PTPRD: variants seen among roughly 807,000 people sequenced by gnomAD.
The protein encoded by PTPRD is protein tyrosine phosphatase receptor type D, also known as receptor-type tyrosine-protein phosphatase delta.
A neutral mutation model predicts 214.5 loss-of-function variants in PTPRD; 34 were observed. That is an observed-to-expected ratio of 0.16 (90% confidence interval 0.12 to 0.21). PTPRD has a LOEUF of 0.21. Ranked by LOEUF, PTPRD falls within the 10% of genes least tolerant of loss-of-function variation. PTPRD has a pLI of 1.00. For missense variants in PTPRD, 2,545 were observed against 2,398.7 expected (o/e 1.06, Z -1.27); for synonymous variants, 1,128 against 845.7 (o/e 1.33, Z -5.79).
At chr9:10,040,446 T>C (rs2097275314) in intron 3 of PTPRD, among the ~76,000 whole-genome samples, 1 of 152,014 alleles carries the variant, frequency 6.6e-6, no homozygotes, top group African/African-American at 2.4e-5. Flanking sequence ...GCAGCCAAAT[T>C]ACTATAACCT....
At chr9:9,698,233 G>A (rs1174359269) in intron 7 of PTPRD, among the ~76,000 whole-genome samples, 2 of 152,090 alleles carry the variant, frequency 1.3e-5, no homozygotes, top group Admixed American at 1.3e-4. Flanking sequence ...CCCATCAAAG[G>A]ACTAGTCTTT....
chr9:8,726,040 C>CACAA lies in PTPRD; in HGVS notation c.64+7739_64+7740insTTGT, dbSNP rs771915871. Among the ~76,000 whole-genome samples, 859 of 147,674 alleles carry CACAA rather than the reference C, an allele frequency of 5.8e-3. 1 individual carries two copies. The highest frequency in any genetic ancestry group is 9.8e-3 in the Non-Finnish European group (653 of 66,956). ...ACAGACAGACAGACACACACACACA[C>CACAA]ACACACACACACACACACACACACA... On this transcript the variant is annotated intron_variant, in intron 12 of 45. Coordinates refer to ENST00000381196, the MANE Select transcript of PTPRD (RefSeq NM_002839.4).
chr9:9,663,179 G>C (rs970775008), intron 7 of PTPRD, among the ~76,000 whole-genome samples: 2 of 151,278 alleles, frequency 1.3e-5, no homozygotes, highest in Admixed American at 6.6e-5. Context: ...TTAAATGTCA[G>C]AATAGGTTTA....
At chr9:9,005,180 G>A (rs1036309037) in intron 11 of PTPRD, among the ~76,000 whole-genome samples, 3 of 152,018 alleles carry the variant, frequency 2.0e-5, no homozygotes, top group African/African-American at 7.2e-5. Context: ...TTAATAATAA[G>A]CCAGGCAACA....
chr9:9,550,267 C>G (rs1397171986), intron 8 of PTPRD, among the ~76,000 whole-genome samples: 2 of 151,724 alleles, frequency 1.3e-5, no homozygotes, highest in Admixed American at 6.6e-5. Context: ...ATCCTGCCAG[C>G]TTTCCCTACA....
chr9:10,004,640 G>A (rs1036869806), intron 4 of PTPRD, among the ~76,000 whole-genome samples: 6 of 150,622 alleles, frequency 4.0e-5, no homozygotes, highest in African/African-American at 7.3e-5. Flanking sequence ...CACACACACC[G>A]CACACACACA....
At chr9:9,764,163 A>G (rs1314868689) in intron 6 of PTPRD, among the ~76,000 whole-genome samples, 1 of 152,210 alleles carries the variant, frequency 6.6e-6, no homozygotes, top group Non-Finnish European at 1.5e-5. Context: ...ACCTAATGCC[A>G]TATGACACAT....
At chr9:8,381,910 G>C (rs891132922) in intron 37 of PTPRD, among the ~76,000 whole-genome samples, 2 of 152,170 alleles carry the variant, frequency 1.3e-5, no homozygotes, top group African/African-American at 4.8e-5. Context: ...AGAACTGTGT[G>C]AGGTGCCTCT....
At chr9:8,744,448 C>A (rs533705584) in intron 11 of PTPRD, among the ~76,000 whole-genome samples, 9 of 152,096 alleles carry the variant, frequency 5.9e-5, no homozygotes, top group South Asian at 2.1e-4. Context: ...ATACTTATAC[C>A]ACGGAATATG....
chr9:9,392,957 G>A (rs942051304), intron 9 of PTPRD, among the ~76,000 whole-genome samples: 1 of 152,186 alleles, frequency 6.6e-6, no homozygotes, highest in Non-Finnish European at 1.5e-5. Context: ...ATGGGGTGGA[G>A]CCATGGAAAT....
At chr9:9,269,170 A>G (rs1474549619) in intron 9 of PTPRD, among the ~76,000 whole-genome samples, 4 of 151,454 alleles carry the variant, frequency 2.6e-5, no homozygotes, top group African/African-American at 9.7e-5. Context: ...ACAACAATAA[A>G]GCTAAATAAC....
intron 10 of PTPRD, among the ~76,000 whole-genome samples, chr9:9,114,248 T>C (rs1424587876): frequency 6.6e-6 from 1 of 152,162 alleles, no homozygotes; most frequent in Non-Finnish European, 1.5e-5. Context: ...GGATGGGTAT[T>C]GATGGCCATA....
chr9:8,414,408 T>G (rs2093745970), intron 35 of PTPRD, among the ~76,000 whole-genome samples: 1 of 152,228 alleles, frequency 6.6e-6, no homozygotes, highest in Non-Finnish European at 1.5e-5. Flanking sequence ...CAGTTCTGTA[T>G]AAACTGTATT....
chr9:8,540,640 T>C (rs1466072793), intron 14 of PTPRD, among the ~76,000 whole-genome samples: 2 of 152,190 alleles, frequency 1.3e-5, no homozygotes, highest in Non-Finnish European at 2.9e-5. Context: ...TAACTTAGAA[T>C]AGCTTCAGAA....
chr9:9,108,816 C>G (rs955583252), intron 10 of PTPRD, among the ~76,000 whole-genome samples: 2 of 152,146 alleles, frequency 1.3e-5, no homozygotes, highest in African/African-American at 4.8e-5. Context: ...TGCTGAGGCC[C>G]TCTGGCACCA....
chr9:10,286,562 G>C (rs965813168), intron 3 of PTPRD, among the ~76,000 whole-genome samples: 1 of 152,112 alleles, frequency 6.6e-6, no homozygotes, highest in African/African-American at 2.4e-5. Flanking sequence ...GAAGCCAATG[G>C]TATTTATATA....
At chr9:10,184,756 C>A (rs1204123762) in intron 3 of PTPRD, among the ~76,000 whole-genome samples, 1 of 152,262 alleles carries the variant, frequency 6.6e-6, no homozygotes, top group East Asian at 1.9e-4. Context: ...TAAGCAATAT[C>A]TCTTGAGTCA....
At chr9:9,719,506 C>T (rs2097897206) in intron 7 of PTPRD, among the ~76,000 whole-genome samples, 1 of 152,058 alleles carries the variant, frequency 6.6e-6, no homozygotes. Flanking sequence ...CCCTCCTGCC[C>T]TCTGCTGGTA....
At chr9:10,481,296 T>C (rs2099096241) in intron 2 of PTPRD, among the ~76,000 whole-genome samples, 1 of 152,164 alleles carries the variant, frequency 6.6e-6, no homozygotes. Context: ...GTTTGAAATT[T>C]TTATAATAAA....
Sources: gnomAD v4.1 joint callset for allele counts (sites outside exome capture counted in the v4.1 genomes callset) on GRCh38, gnomAD v4.1.1 for gene constraint, MANE v1.5 for transcripts, NCBI Gene and HGNC (gene_info 2026-07-23, HGNC 2026-07-21) for gene names.